Variants in ATP8A2 observed in about 807,000 individuals in gnomAD.
ATP8A2 encodes ATPase phospholipid transporting 8A2, also known as phospholipid-transporting ATPase IB.
ATP8A2 carries 100 observed loss-of-function variants against 165.6 expected under a neutral mutation model. The ratio of observed to expected loss-of-function variants is 0.60; its 90% CI spans 0.51 to 0.71. The LOEUF is 0.71. Among genes scored for constraint, ATP8A2 ranks in the 30% least tolerant of loss-of-function variants. The pLI, the probability that ATP8A2 is intolerant of heterozygous loss-of-function variation, is 0.00. For synonymous variants in ATP8A2, 543 were observed against 548.8 expected (o/e 0.99, Z 0.15); for missense variants, 1,227 against 1,479.5 (o/e 0.83, Z 2.80).
intron 1 of ATP8A2, among the ~76,000 whole-genome samples, chr13:25,439,487 A>G (rs2034872043): frequency 6.6e-6 from 1 of 152,200 alleles, no homozygotes. Context: ...GCCTTTGCAC[A>G]CTTGCTTGCT....
rs545125372 is a variant in ATP8A2, at chr13:25,677,949, G to A, written c.2212-21224G>A. Among the ~76,000 whole-genome samples, 14 of 152,150 alleles carry A rather than the reference G, an allele frequency of 9.2e-5. 1 individual carries two copies. The highest frequency in any genetic ancestry group is 8.3e-4 in the South Asian group (4 of 4,806). ...ATCTGGTGCGAATGAGAGGGGGTGGGGGATATTACAGAGGGTTATGAGGCA... is the reference window on the plus strand; with the variant it reads ...ATCTGGTGCGAATGAGAGGGGGTGGAGGATATTACAGAGGGTTATGAGGCA... On this transcript the variant is annotated intron_variant, in intron 24 of 36. Transcript: ENST00000381655.
At chr13:25,860,031 G>C (rs952364025) in intron 30 of ATP8A2, among the ~76,000 whole-genome samples, 164 bp from the exon 31 acceptor site, 1 of 152,112 alleles carries the variant, frequency 6.6e-6, no homozygotes, top group African/African-American at 2.4e-5. Context: ...AGATGAAAAA[G>C]TTCATCATTA....
chr13:25,921,016 G>A (rs1213475004), intron 33 of ATP8A2, among the ~76,000 whole-genome samples: 1 of 152,170 alleles, frequency 6.6e-6, no homozygotes. Context: ...GCTGCAGTGA[G>A]CCAAGATCAT....
At chr13:25,716,033 A>G (rs545857004) in intron 25 of ATP8A2, among the ~76,000 whole-genome samples, 1 of 152,316 alleles carries the variant, frequency 6.6e-6, no homozygotes, top group Non-Finnish European at 1.5e-5. Flanking sequence ...ATAAAGTGGT[A>G]TTTCACTGTG....
At position 25,963,340 on chromosome 13, in the gene ATP8A2, G is replaced by T. The variant is rs1024874734; in HGVS notation, c.3272+1677G>T. 9.4e-5 allele frequency among the ~76,000 whole-genome samples: 14 copies of T among 149,680 alleles called. No individual in the cohort carries two copies. The Admixed American group carries it at 9.4e-4, about 10-fold the overall frequency. ...ACCTGGGAGGCAGAGGTTGCAGTGA[G>T]CTGAGATCGTGCCACTGCACTCCAG... On this transcript the variant is annotated intron_variant, in intron 34 of 36. Transcript: ENST00000381655.
chr13:25,459,431 C>A (rs1367209026), intron 1 of ATP8A2, among the ~76,000 whole-genome samples: 1 of 152,174 alleles, frequency 6.6e-6, no homozygotes, highest in Non-Finnish European at 1.5e-5. Flanking sequence ...TTACTGAATG[C>A]CTTCTGCATC....
intron 23 of ATP8A2, among the ~76,000 whole-genome samples, chr13:25,588,075 A>G (rs966189985): frequency 6.6e-6 from 1 of 152,218 alleles, no homozygotes; most frequent in Non-Finnish European, 1.5e-5. Flanking sequence ...TAACAAGAGA[A>G]ATAATCTGAT....
intron 16 of ATP8A2, among the ~76,000 whole-genome samples, chr13:25,567,834 G>A (rs889340630): frequency 4.6e-5 from 7 of 152,162 alleles, no homozygotes; most frequent in Non-Finnish European, 7.3e-5. Flanking sequence ...TCTTTGGGGA[G>A]ATGTGGGATT....
intron 27 of ATP8A2, among the ~76,000 whole-genome samples, chr13:25,784,009 T>C (rs1313623694): frequency 3.3e-5 from 5 of 152,032 alleles, no homozygotes; most frequent in Non-Finnish European, 7.4e-5. Flanking sequence ...ATACTAGCAG[T>C]CTGGAGGGAT....
chr13:25,916,810 G>GGTT (rs139437112), intron 33 of ATP8A2, among the ~76,000 whole-genome samples: 12,288 of 152,094 alleles, frequency 0.081, 1,317 homozygotes, highest in African/African-American at 0.23. Context: ...GTTACACTGT[G>GGTT]GTTGTATTTG....
chr13:25,783,638 C>T (rs191234619), intron 27 of ATP8A2, among the ~76,000 whole-genome samples: 4 of 152,042 alleles, frequency 2.6e-5, no homozygotes, highest in Admixed American at 6.5e-5. Flanking sequence ...CAGGATGAAA[C>T]GAGTTAAGAC....
intron 25 of ATP8A2, among the ~76,000 whole-genome samples, chr13:25,734,331 G>T (rs750866266): frequency 1.3e-5 from 2 of 152,184 alleles, no homozygotes; most frequent in East Asian, 3.9e-4. Flanking sequence ...ACTTGCAAAG[G>T]CCATTTGCAA....
chr13:25,606,846 G>A (rs2040529582), intron 24 of ATP8A2, among the ~76,000 whole-genome samples: 2 of 152,146 alleles, frequency 1.3e-5, no homozygotes, highest in South Asian at 2.1e-4. Flanking sequence ...TCAATTTTAA[G>A]TAATTTAAAT....
chr13:25,440,980 AT>A (rs2034916744), intron 1 of ATP8A2, among the ~76,000 whole-genome samples: 1 of 152,182 alleles, frequency 6.6e-6, no homozygotes. Flanking sequence ...CAGCAATTGT[AT>A]GTGAAAATGG....
intron 16 of ATP8A2, among the ~76,000 whole-genome samples, chr13:25,564,931 G>A (rs548900877): frequency 1.2e-4 from 18 of 148,386 alleles, no homozygotes; most frequent in Admixed American, 1.2e-3. Context: ...TCATAGTTTA[G>A]CTCCCACATT....
intron 1 of ATP8A2, among the ~76,000 whole-genome samples, chr13:25,380,073 A>G (rs1050426260): frequency 6.6e-6 from 1 of 152,192 alleles, no homozygotes; most frequent in Non-Finnish European, 1.5e-5. Flanking sequence ...TGTAAATGAA[A>G]TGCACAGTTA....
intron 35 of ATP8A2, among the ~76,000 whole-genome samples, chr13:25,982,049 G>T (rs1185114275): frequency 1.3e-5 from 2 of 152,144 alleles, no homozygotes; most frequent in Non-Finnish European, 2.9e-5. Flanking sequence ...AATACTCAAA[G>T]ATTTTAGATG....
At chr13:25,847,151 C>G (rs912760443) in intron 30 of ATP8A2, among the ~76,000 whole-genome samples, 19 of 152,300 alleles carry the variant, frequency 1.2e-4, no homozygotes, top group African/African-American at 4.6e-4. Context: ...TTCATAAAAT[C>G]CTGAAGTTAG....
intron 33 of ATP8A2, among the ~76,000 whole-genome samples, chr13:25,872,005 A>G (rs1952693109): frequency 6.6e-6 from 1 of 152,058 alleles, no homozygotes; most frequent in South Asian, 2.1e-4. Context: ...TGCAGGGTAC[A>G]GTGACATCTT....
Sources: allele counts gnomAD v4.1 joint callset (sites outside exome capture counted in the v4.1 genomes callset), GRCh38; gene constraint gnomAD v4.1.1; transcripts MANE v1.5; gene names NCBI Gene and HGNC (gene_info 2026-07-23, HGNC 2026-07-21).